The following USP31 variants were observed in gnomAD, a reference collection of about 807,000 sequenced individuals.
The protein encoded by USP31 is ubiquitin specific peptidase 31.
Under a neutral mutation model 119.4 loss-of-function variants are expected in USP31, and 44 were observed. The ratio of observed to expected loss-of-function variants is 0.37; its 90% confidence interval spans 0.29 to 0.47. The LOEUF (loss-of-function observed/expected upper bound fraction) is 0.47. USP31 is among the 20% of genes least tolerant of loss of function. The pLI is 0.99. For missense variants in USP31, 1,643 were observed against 1,730.2 expected, an observed-to-expected ratio of 0.95 and a Z score of 0.89; for synonymous variants, 749 against 705.6, an observed-to-expected ratio of 1.06 and a Z score of -0.97.
At chr16:23,105,660 TC>T in intron 4 of USP31, 84 bp from the exon 5 acceptor site, 31 of 1,369,098 alleles carry the variant, frequency 2.3e-5, no homozygotes, top group Non-Finnish European at 2.9e-5. Context: ...TGAGACGAAA[TC>T]AACAAAAAAC....
intron 1 of USP31, among the ~76,000 whole-genome samples, chr16:23,128,047 G>C (rs1404921612): frequency 6.6e-6 from 1 of 152,142 alleles, no homozygotes; most frequent in Admixed American, 6.5e-5. Flanking sequence ...TTTTCAGCAT[G>C]GGAGGAACAA....
In USP31 at chr16:23,109,841, C is replaced by CAA. The variant is rs60568760; in HGVS notation, c.634-1660_634-1659dup. Among the ~76,000 whole-genome samples the CAA allele has an allele frequency of 5.4e-3, 596 of 110,178 alleles. 9 individuals carry two copies. The highest frequency in any genetic ancestry group is 0.03 in the Middle Eastern group (6 of 198). 72.3% of individuals were successfully genotyped at this position (110,178 alleles called of 152,430 possible). A position where few individuals can be genotyped will look rare whatever the true frequency, so the allele number is the denominator to read the frequency against. ...AAACCCAAACTGAGGGACATTCTAC[C>CAA]AAAAAAAAAAAAAAAAAAAATGTGA... On this transcript the variant is annotated intron_variant, in intron 1 of 15. Transcript: ENST00000219689.
intron 1 of USP31, among the ~76,000 whole-genome samples, chr16:23,133,264 C>T (rs1284305045): frequency 6.6e-6 from 1 of 152,152 alleles, no homozygotes; most frequent in Admixed American, 6.5e-5. Flanking sequence ...CCCAAGCCCA[C>T]GACAGAACTG....
At chr16:23,129,978 C>A (rs1278512416) in intron 1 of USP31, among the ~76,000 whole-genome samples, 1 of 152,152 alleles carries the variant, frequency 6.6e-6, no homozygotes, top group Admixed American at 6.5e-5. Context: ...TAACAGATTT[C>A]TCTATACCAG....
At chr16:23,133,937 C>T (rs1419595204) in intron 1 of USP31, among the ~76,000 whole-genome samples, 3 of 151,962 alleles carry the variant, frequency 2.0e-5, no homozygotes, top group East Asian at 3.9e-4. Context: ...GTTAGCCAGG[C>T]GTGGTGGCAT....
chr16:23,087,233 G>A, intron 8 of USP31, 47 bp from the exon 9 acceptor site: 2 of 1,563,626 alleles, frequency 1.3e-6, no homozygotes, highest in Non-Finnish European at 1.8e-6. Flanking sequence ...TTCTTCAAGG[G>A]CATCTGTTTC....
At chr16:23,079,823 CCT>C in intron 13 of USP31, 121 bp downstream of exon 13, 1 of 859,024 alleles carries the variant, frequency 1.2e-6, no homozygotes, top group Admixed American at 3.4e-5. Flanking sequence ...TGGAAACTGC[CCT>C]CACAGTTGGC....
intron 1 of USP31, among the ~76,000 whole-genome samples, chr16:23,145,241 C>T (rs1426554733): frequency 6.6e-6 from 1 of 152,212 alleles, no homozygotes; most frequent in Non-Finnish European, 1.5e-5. Flanking sequence ...GCCAAAAGCA[C>T]TGGCATCACC....
Position 23,106,222 on chromosome 16 carries a change from G to C in USP31, c.944C>G (p.Pro315Arg), listed in dbSNP as rs1902097194. Residue 315 changes from proline (P) to arginine (R), a missense_variant, in exon 4 of 16, where the codon CCC becomes CGC. By Grantham distance (103) the Pro-to-Arg change is moderately radical. Around this residue, in one of 5 missense-constraint regions of USP31, gnomAD observed 144 missense variants for 218.0 expected, o/e 0.66. Coordinates refer to ENST00000219689, the MANE Select transcript of USP31 (RefSeq NM_020718.4). ...FLCISLPIPL[P>R]HTRPLYVTVV... Reference sequence around the variant, plus strand: ...CTAAATCCATTCTTACCTTGTGTGGGGCAGAGGAATTGGCAAAGAAATGCA... The same window carrying C: ...CTAAATCCATTCTTACCTTGTGTGGCGCAGAGGAATTGGCAAAGAAATGCA... 1.2e-6 allele frequency: 2 copies of C among 1,614,084 alleles called. No individual in the cohort carries two copies. The highest frequency in any genetic ancestry group is 1.7e-6 in the Non-Finnish European group (2 of 1,180,010).
Position 23,067,910 on chromosome 16 carries a change from C to T in USP31, c.*136G>A. The T allele has an allele frequency of 8.8e-7, 1 of 1,131,266 alleles. No individual in the cohort carries two copies. Among genetic ancestry groups the T allele is most frequent in the Non-Finnish European group, 1.2e-6 (1 of 813,286 alleles). The allele number at this position is 1,131,266 out of a possible 1,614,324, so 70.1% of individuals were successfully genotyped here. A position where few individuals can be genotyped will look rare whatever the true frequency, so the allele number is the denominator to read the frequency against. The stretch of plus-strand genomic sequence containing the variant: ...ATTGAATTAGACACACACACGCATA[C>T]ACTCACACACACACACACAGTCGGG... On this transcript the variant is annotated 3_prime_UTR_variant, in exon 16 of 16. Transcript: ENST00000219689.
chr16:23,144,427 C>T (rs573852684), intron 1 of USP31, among the ~76,000 whole-genome samples: 6 of 151,430 alleles, frequency 4.0e-5, no homozygotes, highest in East Asian at 1.9e-4. Flanking sequence ...CCCAAGCAGG[C>T]GAAGCACAGT....
intron 6 of USP31, among the ~76,000 whole-genome samples, chr16:23,101,442 G>C (rs1901853220): frequency 6.6e-6 from 1 of 152,148 alleles, no homozygotes; most frequent in African/African-American, 2.4e-5. Context: ...TCAAGGAATG[G>C]AACTGGAATC....
intron 1 of USP31, among the ~76,000 whole-genome samples, chr16:23,141,338 C>T (rs1903346139): frequency 6.6e-6 from 1 of 152,078 alleles, no homozygotes; most frequent in African/African-American, 2.4e-5. Flanking sequence ...CCCATTATTC[C>T]CTCTCATACA....
At position 23,083,707 on chromosome 16, in the gene USP31, G is replaced by C. The variant is rs1379904379; in HGVS notation, c.1831-1150C>G. ...AGTGCAAACCTGGCGGGGGGGGGGG[G>C]GGGGAAGGGGTGAAAAAAAAAACCC... is the stretch of plus-strand genomic sequence containing the variant. On this transcript the variant is annotated intron_variant, in intron 11 of 15. Coordinates refer to ENST00000219689, the MANE Select transcript of USP31 (RefSeq NM_020718.4). Among the ~76,000 whole-genome samples, 61 of 109,850 alleles carry C rather than the reference G, an allele frequency of 5.6e-4. 3 individuals carry two copies. Among genetic ancestry groups the C allele is most frequent in the African/African-American group, 1.8e-3 (56 of 30,938 alleles). The allele number at this position is 109,850 out of a possible 152,430, so 72.1% of individuals were successfully genotyped here.
chr16:23,114,104 CA>C lies in USP31; in HGVS notation c.634-5922del, dbSNP rs543474229. ...TAGGCAACAGAGCAAGACCCTTACT[CA>C]AAAAAAAAAAAATGGTGATTCTTTG... On this transcript the variant is annotated intron_variant, in intron 1 of 15. Coordinates refer to ENST00000219689, the MANE Select transcript of USP31 (RefSeq NM_020718.4). Among the ~76,000 whole-genome samples, 827 of 135,010 alleles carry C rather than the reference CA, an allele frequency of 6.1e-3. 7 individuals are homozygous for C. Among genetic ancestry groups the C allele is most frequent in the African/African-American group, 0.016 (577 of 36,836 alleles). The allele number at this position is 135,010 out of a possible 152,430, so 88.6% of individuals were successfully genotyped here. A position where few individuals can be genotyped will look rare whatever the true frequency, so the allele number is the denominator to read the frequency against.
intron 11 of USP31, among the ~76,000 whole-genome samples, chr16:23,083,796 G>A (rs1182985837): frequency 6.7e-6 from 1 of 149,768 alleles, no homozygotes; most frequent in African/African-American, 2.5e-5. Context: ...GAGAAGACTC[G>A]CTGGAAATAC....
intron 6 of USP31, 129 bp downstream of exon 6, chr16:23,102,190 A>T: frequency 9.5e-7 from 1 of 1,051,870 alleles, no homozygotes; most frequent in Non-Finnish European, 1.3e-6. Flanking sequence ...TACCATCATT[A>T]AAAAATCATG....
Position 23,087,665 on chromosome 16 carries a change from T to A in USP31, c.1527+59A>T, listed in dbSNP as rs1473128980. The stretch of plus-strand genomic sequence containing the variant: ...AAGAAACTCAAATTTCATTGTAATG[T>A]TTGTTTCTTCACTGAGTATATACCC... On this transcript the variant is annotated intron_variant, in intron 8 of 15. Transcript: ENST00000219689. 5 of 1,438,832 alleles carry A rather than the reference T, an allele frequency of 3.5e-6. No individual in the cohort carries two copies. The South Asian group carries it at 3.6e-5, about 10-fold the overall frequency. 89.1% of individuals were successfully genotyped at this position (1,438,832 alleles called of 1,614,324 possible). A position where few individuals can be genotyped will look rare whatever the true frequency, so the allele number is the denominator to read the frequency against.
intron 1 of USP31, among the ~76,000 whole-genome samples, chr16:23,114,260 A>G (rs1016303276): frequency 6.6e-6 from 1 of 151,844 alleles, no homozygotes. Context: ...AGAGACAGGA[A>G]GGCAGGGAAC....
Sources: allele counts gnomAD v4.1 joint callset (sites outside exome capture counted in the v4.1 genomes callset), GRCh38; gene constraint gnomAD v4.1.1; regional missense constraint gnomAD v4.1.1; transcripts MANE v1.5; gene names NCBI Gene and HGNC (gene_info 2026-07-23, HGNC 2026-07-21).